Variants in DSCAML1 observed in about 807,000 individuals in gnomAD.
The protein encoded by DSCAML1 is DS cell adhesion molecule like 1.
In DSCAML1, 38 loss-of-function variants were observed where a neutral mutation model predicts 200.5. The observed-to-expected ratio is 0.19, with a 90% CI of 0.15 to 0.25. The LOEUF (loss-of-function observed/expected upper bound fraction) is 0.25, where lower values mean the gene tolerates loss of function less well. Among genes scored for constraint, DSCAML1 ranks in the 10% least tolerant of loss-of-function variants. The pLI, the probability that DSCAML1 is intolerant of heterozygous loss-of-function variation, is 1.00. For missense variants in DSCAML1, 2,223 were observed against 2,858.8 expected (o/e 0.78, Z 5.07); for synonymous variants, 1,215 against 1,165.0 (o/e 1.04, Z -0.87).
At chr11:117,442,182 AGTGT>A (rs3057894) in intron 21 of DSCAML1, among the ~76,000 whole-genome samples, 24 of 150,514 alleles carry the variant, frequency 1.6e-4, no homozygotes, top group African/African-American at 2.4e-4. Context: ...TAGTGTGTAT[AGTGT>A]GTATGTGTGT....
chr11:117,765,345 G>T (rs1324900316), intron 3 of DSCAML1, among the ~76,000 whole-genome samples: 1 of 152,240 alleles, frequency 6.6e-6, no homozygotes, highest in South Asian at 2.1e-4. Flanking sequence ...GTAATGGGAG[G>T]CTTGGGCTTT....
intron 3 of DSCAML1, among the ~76,000 whole-genome samples, chr11:117,707,562 T>G (rs2053777686): frequency 1.3e-5 from 2 of 151,958 alleles, no homozygotes; most frequent in East Asian, 3.9e-4. Context: ...TGAGATGGAG[T>G]CTCGCTTTGT....
chr11:117,562,221 G>A (rs1011330594), intron 3 of DSCAML1, among the ~76,000 whole-genome samples: 1 of 152,198 alleles, frequency 6.6e-6, no homozygotes, highest in Admixed American at 6.5e-5. Context: ...TGGAGTCTGA[G>A]GAGCTCAAGC....
chr11:117,810,341 G>A (rs941422391), intron 1 of DSCAML1, among the ~76,000 whole-genome samples: 3 of 151,708 alleles, frequency 2.0e-5, no homozygotes, highest in African/African-American at 7.3e-5. Flanking sequence ...CGCTTTTCTA[G>A]GGGGCAAGAA....
intron 3 of DSCAML1, among the ~76,000 whole-genome samples, chr11:117,576,286 T>G (rs1591284271): frequency 6.6e-6 from 1 of 151,308 alleles, no homozygotes; most frequent in South Asian, 2.1e-4. Context: ...GATGAGGGGG[T>G]TTTTGTCCAG....
intron 32 of DSCAML1, among the ~76,000 whole-genome samples, chr11:117,429,932 G>A (rs2047751094): frequency 6.6e-6 from 1 of 152,238 alleles, no homozygotes; most frequent in Admixed American, 6.5e-5. Flanking sequence ...CAGCTAAAAG[G>A]GGTGGGGGTG....
Position 117,431,693 on chromosome 11 carries a change from T to C in DSCAML1, c.5215A>G (p.Ser1739Gly), listed in dbSNP as rs750648195. 8.5e-5 allele frequency: 136 copies of C among 1,602,730 alleles called. No individual in the cohort carries two copies. Among genetic ancestry groups the C allele is most frequent in the Admixed American group, 1.5e-4 (9 of 58,984 alleles). Reference protein sequence around the residue: ...VSRKNVKSAHSTRNRYSSQWT... With the variant: ...VSRKNVKSAHGTRNRYSSQWT... ...TGGCTTGAGTACCGGTTCCGGGTGCTGTGGGCTGACTTCACATTCTTCCTG... is the reference window on the plus strand; with the variant it reads ...TGGCTTGAGTACCGGTTCCGGGTGCCGTGGGCTGACTTCACATTCTTCCTG... The change falls in exon 31 of 33, where the codon AGC becomes GGC. Residue 1739 changes from serine to glycine, a missense_variant. This residue lies in a region of DSCAML1 where 614 missense variants were observed against 739.1 expected (regional missense o/e 0.83). Transcript: ENST00000651296.
intron 3 of DSCAML1, among the ~76,000 whole-genome samples, chr11:117,730,579 G>A (rs1378812986): frequency 1.3e-5 from 2 of 152,200 alleles, no homozygotes; most frequent in Admixed American, 6.5e-5. Context: ...AGGATGTGAC[G>A]AAACTGGGAC....
In DSCAML1 at chr11:117,428,295, G is replaced by T; in HGVS notation, c.*33C>A. 1 of 1,233,606 alleles carries T rather than the reference G, an allele frequency of 8.1e-7. No individual in the cohort carries two copies. Among genetic ancestry groups the T allele is most frequent in the Non-Finnish European group, 1.2e-6 (1 of 852,592 alleles). 76.4% of individuals were successfully genotyped at this position (1,233,606 alleles called of 1,614,324 possible). ...CTGGCGTGTGGGGCTGCGGCGCGGC[G>T]CGGTCCAGGCGTGGCTGCTCTTCCT... is the stretch of plus-strand genomic sequence containing the variant. On this transcript the variant is annotated 3_prime_UTR_variant, in exon 33 of 33. Transcript: ENST00000651296.
In DSCAML1 at chr11:117,503,047, A is replaced by G. The variant is rs185147349; in HGVS notation, c.2359+798T>C. ...GATGTGATTCCCAGGAATCCATTAT[A>G]CAGACACCTGCAGCGTAAAGGGAGA... is the stretch of plus-strand genomic sequence containing the variant. On this transcript the variant is annotated intron_variant, in intron 11 of 32. Coordinates refer to ENST00000651296, the MANE Select transcript of DSCAML1 (RefSeq NM_020693.4). This position sits in a 1 kb window ranked among gnomAD's most constrained non-coding sequence, Gnocchi z 5.2. 3.5e-3 allele frequency among the ~76,000 whole-genome samples: 532 copies of G among 152,258 alleles called. 2 individuals carry two copies. The highest frequency in any genetic ancestry group is 0.012 in the African/African-American group (518 of 41,534).
intron 3 of DSCAML1, among the ~76,000 whole-genome samples, chr11:117,596,615 A>C (rs2051366014): frequency 6.6e-6 from 1 of 152,202 alleles, no homozygotes; most frequent in South Asian, 2.1e-4. Flanking sequence ...TACTATGTTC[A>C]CAGAAAGCAA....
At chr11:117,743,735 A>G (rs2054465701) in intron 3 of DSCAML1, among the ~76,000 whole-genome samples, 1 of 152,214 alleles carries the variant, frequency 6.6e-6, no homozygotes, top group Non-Finnish European at 1.5e-5. Flanking sequence ...GAGCCAGACA[A>G]ACACCTTGTG....
intron 3 of DSCAML1, among the ~76,000 whole-genome samples, chr11:117,625,049 C>T (rs1400595287): frequency 6.6e-6 from 1 of 152,024 alleles, no homozygotes; most frequent in African/African-American, 2.4e-5. Context: ...TTTAAGAGAC[C>T]CCCAGGTGAT....
intron 19 of DSCAML1, among the ~76,000 whole-genome samples, chr11:117,452,577 G>A (rs551180079): frequency 1.3e-5 from 2 of 152,172 alleles, no homozygotes; most frequent in South Asian, 4.2e-4. Flanking sequence ...TTTAATTGGA[G>A]GATTTAGTTA....
At chr11:117,448,419 A>G (rs2048221801) in intron 20 of DSCAML1, among the ~76,000 whole-genome samples, 1 of 152,270 alleles carries the variant, frequency 6.6e-6, no homozygotes, top group African/African-American at 2.4e-5. Flanking sequence ...AAAGATGAAA[A>G]GATGCTGCCC....
intron 8 of DSCAML1, among the ~76,000 whole-genome samples, chr11:117,513,106 T>C (rs567912622): frequency 2.2e-4 from 34 of 152,266 alleles, no homozygotes; most frequent in African/African-American, 7.7e-4. Flanking sequence ...TAATATGTGA[T>C]GTTTACACTT....
At chr11:117,546,324 C>G (rs1233498102) in intron 3 of DSCAML1, among the ~76,000 whole-genome samples, 1 of 152,236 alleles carries the variant, frequency 6.6e-6, no homozygotes, top group African/African-American at 2.4e-5. Flanking sequence ...GCCACTGAAT[C>G]TCTCTGAACC....
chr11:117,486,333 A>AAATGGCGGATGTGAT (rs1208735758), intron 11 of DSCAML1, among the ~76,000 whole-genome samples: 6 of 150,270 alleles, frequency 4.0e-5, no homozygotes, highest in Admixed American at 2.0e-4. Flanking sequence ...GCGGATGTGA[A>AAATGGCGGATGTGAT]AATGGCGGAT....
chr11:117,501,351 G>A (rs922446167), intron 11 of DSCAML1, among the ~76,000 whole-genome samples: 6 of 152,056 alleles, frequency 3.9e-5, no homozygotes, highest in African/African-American at 4.8e-5. Flanking sequence ...CTTCCACCCC[G>A]CCCCCCGACA....
Sources: allele counts gnomAD v4.1 joint callset (sites outside exome capture counted in the v4.1 genomes callset), GRCh38; gene constraint gnomAD v4.1.1; regional missense constraint gnomAD v4.1.1; non-coding constraint Gnocchi (gnomAD v3.1); transcripts MANE v1.5; gene names NCBI Gene and HGNC (gene_info 2026-07-23, HGNC 2026-07-21).